RBFOX3: variants seen among roughly 807,000 people sequenced by gnomAD.
RBFOX3 encodes the protein RNA binding protein fox-1 homolog 3.
RBFOX3 carries 17 observed loss-of-function variants against 48.7 expected under a neutral mutation model. The ratio of observed to expected loss-of-function variants is 0.35; its 90% CI spans 0.24 to 0.52. The LOEUF (loss-of-function observed/expected upper bound fraction) is 0.52. Ranked by LOEUF, RBFOX3 falls within the 20% of genes least tolerant of loss-of-function variation. The pLI, the probability that RBFOX3 is intolerant of heterozygous loss-of-function variation, is 0.94. For missense variants in RBFOX3, 382 were observed against 497.5 expected (o/e 0.77, Z 2.21); for synonymous variants, 212 against 209.5 (o/e 1.01, Z -0.10).
chr17:79,222,155 T>C (rs1249331661), intron 4 of RBFOX3, among the ~76,000 whole-genome samples: 2 of 151,700 alleles, frequency 1.3e-5, no homozygotes, highest in Non-Finnish European at 2.9e-5. Context: ...ACCTGCTGCC[T>C]GATTTCTACC....
intron 2 of RBFOX3, among the ~76,000 whole-genome samples, chr17:79,414,906 C>T (rs2065066572): frequency 6.6e-6 from 1 of 152,244 alleles, no homozygotes; most frequent in Non-Finnish European, 1.5e-5. Context: ...GTGGCGGGAG[C>T]CAGGGCAGCG....
chr17:79,169,895 T>C (rs1256084783), intron 4 of RBFOX3, among the ~76,000 whole-genome samples: 1 of 142,918 alleles, frequency 7.0e-6, no homozygotes, highest in African/African-American at 2.6e-5. Flanking sequence ...ATACAAATCA[T>C]TAAAAGGAAA....
At chr17:79,168,695 G>A (rs747333347) in intron 4 of RBFOX3, among the ~76,000 whole-genome samples, 18 of 152,222 alleles carry the variant, frequency 1.2e-4, no homozygotes, top group Non-Finnish European at 2.5e-4. Context: ...CAGGCCAGCC[G>A]CACGGGGCTG....
chr17:79,388,533 A>G (rs898139732), intron 2 of RBFOX3, among the ~76,000 whole-genome samples: 1 of 152,152 alleles, frequency 6.6e-6, no homozygotes, highest in Non-Finnish European at 1.5e-5. Flanking sequence ...TTTAAAAGAG[A>G]AGATTTTTAA....
chr17:79,283,605 G>A (rs117735300), intron 3 of RBFOX3, among the ~76,000 whole-genome samples: 5,623 of 152,338 alleles, frequency 0.037, 145 homozygotes, highest in Non-Finnish European at 0.05. Context: ...ATCATGGTGA[G>A]ATTTGTTGTG....
chr17:79,557,266 A>AAAGT, intron 1 of RBFOX3, among the ~76,000 whole-genome samples: 1 of 150,080 alleles, frequency 6.7e-6, no homozygotes, highest in Admixed American at 6.6e-5. Context: ...GAAAGGAAAG[A>AAAGT]AATTGCCCAG....
intron 5 of RBFOX3, among the ~76,000 whole-genome samples, chr17:79,113,386 C>T (rs138536191): frequency 1.6e-4 from 25 of 152,260 alleles, no homozygotes; most frequent in Middle Eastern, 3.4e-3. Flanking sequence ...GCCGTAACTT[C>T]TGCCTGCAGC....
intron 2 of RBFOX3, among the ~76,000 whole-genome samples, chr17:79,369,853 T>C (rs1337274360): frequency 6.6e-6 from 1 of 152,138 alleles, no homozygotes; most frequent in African/African-American, 2.4e-5. Context: ...GCCTTGTCCC[T>C]CCTGTCCCCT....
chr17:79,483,400 G>T (rs961494789), intron 1 of RBFOX3, among the ~76,000 whole-genome samples: 123 of 146,860 alleles, frequency 8.4e-4, no homozygotes, highest in African/African-American at 2.9e-3. Context: ...ACCTTTGCAG[G>T]TCTACTGCAT....
chr17:79,453,618 G>A (rs2073955252), intron 2 of RBFOX3, among the ~76,000 whole-genome samples: 1 of 152,238 alleles, frequency 6.6e-6, no homozygotes, highest in Non-Finnish European at 1.5e-5. Context: ...GTGCAGAAGA[G>A]TGGGTGCGGA....
intron 1 of RBFOX3, among the ~76,000 whole-genome samples, chr17:79,569,984 AGATG>A (rs1221260430): frequency 1.2e-4 from 13 of 106,616 alleles, no homozygotes; most frequent in East Asian, 3.1e-4. Flanking sequence ...GATGGATGGT[AGATG>A]GATGGATGGA....
chr17:79,479,290 C>T lies in RBFOX3; in HGVS notation c.-175+3164G>A, dbSNP rs797040454. 4.6e-5 allele frequency among the ~76,000 whole-genome samples: 7 copies of T among 152,134 alleles called. No homozygotes were observed. Among genetic ancestry groups the T allele is most frequent in the Non-Finnish European group, 7.4e-5 (5 of 68,008 alleles). Reference sequence around the variant, plus strand: ...GCTGCAGGGAGAACCCAGGAGCTCGCGGGGCAGGAGGGTGTCTACAGGCAC... The same window carrying T: ...GCTGCAGGGAGAACCCAGGAGCTCGTGGGGCAGGAGGGTGTCTACAGGCAC... On this transcript the variant is annotated intron_variant, in intron 2 of 14. Coordinates refer to ENST00000693108, the MANE Select transcript of RBFOX3 (RefSeq NM_001350451.2). The surrounding 1 kb of genome is among the most constrained non-coding windows in gnomAD (Gnocchi z 5.1).
intron 3 of RBFOX3, among the ~76,000 whole-genome samples, chr17:79,271,501 T>C (rs1258108874): frequency 3.3e-5 from 5 of 152,206 alleles, no homozygotes; most frequent in Non-Finnish European, 5.9e-5. Context: ...CTTTGCGCTG[T>C]CCTTCTCCCC....
At position 79,473,677 on chromosome 17, in the gene RBFOX3, T is replaced by C. The variant is rs2077328995; in HGVS notation, c.-175+8777A>G. 6.6e-6 allele frequency among the ~76,000 whole-genome samples: 1 copy of C among 152,136 alleles called. No homozygotes were observed. The highest frequency in any genetic ancestry group is 1.5e-5 in the Non-Finnish European group (1 of 68,028). ...CGGCAGGTGGCCACACCCTGCAAGC[T>C]CCCTGTAATTCCAGCCATTACTCAG... On this transcript the variant is annotated intron_variant, in intron 2 of 14. Coordinates refer to ENST00000693108, the MANE Select transcript of RBFOX3 (RefSeq NM_001350451.2). The surrounding 1 kb of genome is among the most constrained non-coding windows in gnomAD (Gnocchi z 4.2).
chr17:79,097,237 C>T lies in RBFOX3; in HGVS notation c.755+55G>A, dbSNP rs1052911079. 2.3e-5 allele frequency: 34 copies of T among 1,446,972 alleles called. No homozygotes were observed. The Admixed American group carries it at 2.6e-4, about 11-fold the overall frequency. 89.6% of individuals were successfully genotyped at this position (1,446,972 alleles called of 1,614,324 possible). On this transcript the variant is annotated intron_variant, in intron 11 of 14. Coordinates refer to ENST00000693108, the MANE Select transcript of RBFOX3 (RefSeq NM_001350451.2). ...CACTGCGCAGGGCCTCCCCATTTCCCTCCTCCCCGCCGTCCTACCCCCTCC... is the reference window on the plus strand; with the variant it reads ...CACTGCGCAGGGCCTCCCCATTTCCTTCCTCCCCGCCGTCCTACCCCCTCC...
At chr17:79,245,259 T>A (rs1003127520) in intron 3 of RBFOX3, among the ~76,000 whole-genome samples, 1 of 152,100 alleles carries the variant, frequency 6.6e-6, no homozygotes, top group African/African-American at 2.4e-5. Flanking sequence ...TTCACCTTGT[T>A]GTCCAGGCTG....
chr17:79,370,121 A>G (rs1470552695), intron 2 of RBFOX3, among the ~76,000 whole-genome samples: 2 of 152,158 alleles, frequency 1.3e-5, no homozygotes, highest in Non-Finnish European at 2.9e-5. Flanking sequence ...CTTGGTGCCA[A>G]CCCCATCATC....
intron 4 of RBFOX3, chr17:79,132,926 A>C (rs2039320010): frequency 6.6e-6 from 1 of 152,318 alleles, no homozygotes; most frequent in Admixed American, 6.5e-5. Flanking sequence ...GGGAGGCTCC[A>C]GGTCCTGAGG....
At position 79,432,440 on chromosome 17, in the gene RBFOX3, A is replaced by G. The variant is rs559948657; in HGVS notation, c.-175+50014T>C. Among the ~76,000 whole-genome samples, 270 of 152,292 alleles carry G rather than the reference A, an allele frequency of 1.8e-3. 1 individual carries two copies. The highest frequency in any genetic ancestry group is 5.8e-3 in the African/African-American group (243 of 41,546). ...TCATGGAGGAGCTAACCATACCCACATCAGTCACCTGGGTTGGTGGGACAT... is the reference window on the plus strand; with the variant it reads ...TCATGGAGGAGCTAACCATACCCACGTCAGTCACCTGGGTTGGTGGGACAT... On this transcript the variant is annotated intron_variant, in intron 2 of 14. Transcript: ENST00000693108.
Sources: gnomAD v4.1 joint callset for allele counts (sites outside exome capture counted in the v4.1 genomes callset) on GRCh38, gnomAD v4.1.1 for gene constraint, Gnocchi (gnomAD v3.1) non-coding constraint, MANE v1.5 for transcripts, NCBI Gene and HGNC (gene_info 2026-07-23, HGNC 2026-07-21) for gene names.